Variants in PDS5A observed in about 807,000 individuals in gnomAD.
PDS5A encodes PDS5 cohesin associated factor A.
In PDS5A, 42 loss-of-function variants were observed where a neutral mutation model predicts 167.1. That is an observed-to-expected ratio of 0.25 (90% CI 0.20 to 0.33). The LOEUF (loss-of-function observed/expected upper bound fraction) is 0.33, where lower values mean the gene tolerates loss of function less well. PDS5A is among the 10% of genes least tolerant of loss of function. PDS5A has a pLI of 1.00. For missense variants in PDS5A, 1,033 were observed against 1,605.9 expected, an observed-to-expected ratio of 0.64 and a Z score of 6.10; for synonymous variants, 553 against 554.6, an observed-to-expected ratio of 1.00 and a Z score of 0.04.
intron 2 of PDS5A, among the ~76,000 whole-genome samples, chr4:39,931,394 G>A (rs1484170061): frequency 1.3e-5 from 2 of 152,102 alleles, no homozygotes; most frequent in Admixed American, 6.6e-5. Flanking sequence ...TTTATCATAT[G>A]TGGTTGAAGA....
chr4:39,867,551 A>T (rs1242169373), intron 22 of PDS5A, among the ~76,000 whole-genome samples: 1 of 42,402 alleles, frequency 2.4e-5, no homozygotes, highest in African/African-American at 6.6e-5. Context: ...GTCTCTACTA[A>T]AAAAAAAAAA....
chr4:39,976,861 G>A (rs769422491), intron 1 of PDS5A, among the ~76,000 whole-genome samples: 3 of 152,102 alleles, frequency 2.0e-5, no homozygotes, highest in Non-Finnish European at 4.4e-5. Flanking sequence ...AGCGCCAGGA[G>A]TTTCCCATTC....
chr4:39,928,109 T>C lies in PDS5A; in HGVS notation c.194A>G (p.Gln65Arg). ...MDQDSEDEKQ[Q>R]YLPLALHLAS... ...AAGATGCAAGGCTAGTGGGAGATAC[T>C]GCTGTTTTTCATCTTCTGAGTCCTG... Residue 65 changes from glutamine to arginine, a missense_variant, in exon 3 of 33, where the codon CAG (glutamine) becomes CGG (arginine). By Grantham distance (43) the Gln-to-Arg change is conservative. Around this residue, in one of 4 missense-constraint regions of PDS5A, gnomAD observed 388 missense variants for 615.1 expected, o/e 0.63. Transcript: ENST00000303538. 1 of 1,613,304 alleles carries C rather than the reference T, an allele frequency of 6.2e-7. No individual in the cohort carries two copies.
intron 17 of PDS5A, among the ~76,000 whole-genome samples, chr4:39,888,241 CAAA>C (rs34845975): frequency 2.7e-4 from 15 of 56,226 alleles, no homozygotes; most frequent in Admixed American, 8.8e-4. Context: ...AAGACTCCGG[CAAA>C]AAAAAAAAAA....
intron 2 of PDS5A, among the ~76,000 whole-genome samples, chr4:39,968,800 G>C (rs975266195): frequency 3.3e-5 from 5 of 149,318 alleles, no homozygotes; most frequent in African/African-American, 7.4e-5. Flanking sequence ...TCTCGTGACA[G>C]AGTCTTGCCC....
At chr4:39,908,081 G>T (rs1376490108) in intron 11 of PDS5A, among the ~76,000 whole-genome samples, 1 of 152,126 alleles carries the variant, frequency 6.6e-6, no homozygotes, top group Non-Finnish European at 1.5e-5. Context: ...AAGAATAGAC[G>T]ATCAATCACT....
chr4:39,966,750 T>C (rs895163183), intron 2 of PDS5A, among the ~76,000 whole-genome samples: 1 of 151,958 alleles, frequency 6.6e-6, no homozygotes, highest in Non-Finnish European at 1.5e-5. Flanking sequence ...GTAATCTCAG[T>C]CCTTTGGGAG....
In PDS5A at chr4:39,824,192, C is replaced by G. The variant is rs1033439069; in HGVS notation, c.*1293G>C. 6.6e-6 allele frequency: 1 copy of G among 152,136 alleles called. No individual in the cohort carries two copies. The highest frequency in any genetic ancestry group is 1.5e-5 in the Non-Finnish European group (1 of 68,036). 9.4% of individuals were successfully genotyped at this position (152,136 alleles called of 1,614,324 possible). On this transcript the variant is annotated 3_prime_UTR_variant, in exon 33 of 33. Coordinates refer to ENST00000303538, the MANE Select transcript of PDS5A (RefSeq NM_001100399.2). ...ATTTTGTTATCACAAAATTAAAAAC[C>G]TGAGGCTTAGTCACTATTTTATATA...
chr4:39,852,626 G>T (rs1304606033), intron 26 of PDS5A, among the ~76,000 whole-genome samples: 1 of 152,016 alleles, frequency 6.6e-6, no homozygotes, highest in African/African-American at 2.4e-5. Context: ...GCATACTTAG[G>T]GTCAGAGAGT....
chr4:39,886,626 T>C (rs916992930), intron 17 of PDS5A, among the ~76,000 whole-genome samples: 1 of 151,918 alleles, frequency 6.6e-6, no homozygotes, highest in Non-Finnish European at 1.5e-5. Context: ...GGCAGGAGAA[T>C]TGCTCGAACA....
chr4:39,828,774 A>G (rs1334937362), intron 32 of PDS5A, among the ~76,000 whole-genome samples: 2 of 152,244 alleles, frequency 1.3e-5, no homozygotes, highest in Non-Finnish European at 2.9e-5. Context: ...AAGAGCACCT[A>G]TAGATGACTG....
At chr4:39,927,820 T>C in intron 3 of PDS5A, 141 bp downstream of exon 3, 1 of 621,932 alleles carries the variant, frequency 1.6e-6, no homozygotes, top group Non-Finnish European at 2.7e-6. Flanking sequence ...GAATGAATAA[T>C]TTTGCAACTT....
chr4:39,834,886 C>A (rs1716251627), intron 32 of PDS5A, among the ~76,000 whole-genome samples: 1 of 152,180 alleles, frequency 6.6e-6, no homozygotes, highest in African/African-American at 2.4e-5. Flanking sequence ...TTCCCGCTAA[C>A]CTCAGCCCCA....
At chr4:39,959,891 C>G (rs1408798644) in intron 2 of PDS5A, among the ~76,000 whole-genome samples, 1 of 151,878 alleles carries the variant, frequency 6.6e-6, no homozygotes, top group African/African-American at 2.4e-5. Context: ...GAGTTCAAGA[C>G]CAGGCTGGCC....
At chr4:39,942,889 C>G (rs774891609) in intron 2 of PDS5A, among the ~76,000 whole-genome samples, 2 of 151,908 alleles carry the variant, frequency 1.3e-5, no homozygotes, top group African/African-American at 2.4e-5. Context: ...GTGGGAGGAT[C>G]GTTTGATGCC....
intron 2 of PDS5A, among the ~76,000 whole-genome samples, chr4:39,948,564 C>T: frequency 6.7e-6 from 1 of 149,472 alleles, no homozygotes; most frequent in Non-Finnish European, 1.5e-5. Flanking sequence ...ACCTCATGAT[C>T]CACCTGCCTC....
At chr4:39,885,296 G>A (rs1344423457) in intron 17 of PDS5A, among the ~76,000 whole-genome samples, 2 of 133,096 alleles carry the variant, frequency 1.5e-5, no homozygotes, top group South Asian at 2.3e-4. Context: ...AAAGAAAGGA[G>A]AAGAGAAGAG....
At chr4:39,918,768 G>A (rs756632226) in intron 7 of PDS5A, among the ~76,000 whole-genome samples, 1 of 152,056 alleles carries the variant, frequency 6.6e-6, no homozygotes, top group Admixed American at 6.6e-5. Flanking sequence ...CAGGAGAATC[G>A]CTTGAGCCTG....
intron 26 of PDS5A, among the ~76,000 whole-genome samples, chr4:39,857,693 G>A (rs1718650749): frequency 6.6e-6 from 1 of 152,104 alleles, no homozygotes; most frequent in African/African-American, 2.4e-5. Context: ...AATCCAGCAA[G>A]AAAATGTGAC....
Sources: gnomAD v4.1 joint callset for allele counts (sites outside exome capture counted in the v4.1 genomes callset) on GRCh38, gnomAD v4.1.1 for gene constraint, gnomAD v4.1.1 regional missense constraint, MANE v1.5 for transcripts, NCBI Gene and HGNC (gene_info 2026-07-23, HGNC 2026-07-21) for gene names.